The following CHCHD3 variants were observed in gnomAD, a reference collection of about 807,000 sequenced individuals.
The protein encoded by CHCHD3 is coiled-coil-helix-coiled-coil-helix domain containing 3.
A neutral mutation model predicts 38.2 loss-of-function variants in CHCHD3; 20 were observed. The ratio of observed to expected loss-of-function variants is 0.52; its 90% CI spans 0.37 to 0.76. The LOEUF is 0.76. Among genes scored for constraint, CHCHD3 ranks in the 30% least tolerant of loss-of-function variants. The pLI, the probability that CHCHD3 is intolerant of heterozygous loss-of-function variation, is 0.00. For missense variants in CHCHD3, 245 were observed against 279.2 expected, an observed-to-expected ratio of 0.88 and a Z score of 0.87; for synonymous variants, 82 against 100.0, an observed-to-expected ratio of 0.82 and a Z score of 1.07.
chr7:132,991,157 G>A (rs879422832), intron 3 of CHCHD3, among the ~76,000 whole-genome samples: 7 of 151,928 alleles, frequency 4.6e-5, no homozygotes, highest in South Asian at 2.1e-4. Context: ...TTCTTACATT[G>A]AGCTGCTAAT....
intron 5 of CHCHD3, among the ~76,000 whole-genome samples, chr7:132,880,923 C>T (rs900812909): frequency 1.3e-5 from 2 of 152,076 alleles, no homozygotes; most frequent in Admixed American, 6.6e-5. Context: ...ATGAAATCAC[C>T]AACCAGGAAT....
intron 4 of CHCHD3, among the ~76,000 whole-genome samples, chr7:132,969,237 A>G (rs1320750382): frequency 2.0e-5 from 3 of 152,090 alleles, no homozygotes. Flanking sequence ...ACACAAGGCA[A>G]GAATAACCTT....
chr7:133,036,946 A>G (rs1813696832), intron 2 of CHCHD3, among the ~76,000 whole-genome samples: 1 of 152,188 alleles, frequency 6.6e-6, no homozygotes, highest in African/African-American at 2.4e-5. Flanking sequence ...TTATGTAACA[A>G]GAAGAATTTG....
chr7:132,926,796 C>A (rs1272921942), intron 4 of CHCHD3, among the ~76,000 whole-genome samples: 1 of 152,108 alleles, frequency 6.6e-6, no homozygotes, highest in Non-Finnish European at 1.5e-5. Context: ...TAAATAACTA[C>A]TACATTGTAT....
intron 4 of CHCHD3, among the ~76,000 whole-genome samples, chr7:132,942,528 TC>T (rs1346863385): frequency 6.6e-6 from 1 of 152,172 alleles, no homozygotes; most frequent in Non-Finnish European, 1.5e-5. Flanking sequence ...CTCTGAAGAT[TC>T]TAACAGAACC....
At chr7:132,937,217 G>A (rs920570840) in intron 4 of CHCHD3, among the ~76,000 whole-genome samples, 1 of 152,032 alleles carries the variant, frequency 6.6e-6, no homozygotes, top group African/African-American at 2.4e-5. Flanking sequence ...AATATGAGAG[G>A]TTTAAAGAAA....
chr7:132,924,633 G>T (rs944454283), intron 4 of CHCHD3, among the ~76,000 whole-genome samples: 4 of 152,088 alleles, frequency 2.6e-5, no homozygotes, highest in Non-Finnish European at 5.9e-5. Flanking sequence ...AAATTTTCAT[G>T]ATGCCAGAGT....
At chr7:132,920,620 T>C (rs1334551145) in intron 4 of CHCHD3, among the ~76,000 whole-genome samples, 1 of 152,184 alleles carries the variant, frequency 6.6e-6, no homozygotes, top group Non-Finnish European at 1.5e-5. Context: ...AAAATGGTCA[T>C]GAAGGTTCCA....
intron 2 of CHCHD3, among the ~76,000 whole-genome samples, chr7:133,026,626 G>A (rs1411858384): frequency 2.6e-5 from 4 of 152,138 alleles, no homozygotes; most frequent in Non-Finnish European, 5.9e-5. Context: ...CACAACCTAA[G>A]TGCCTAGCAA....
At chr7:132,973,200 TC>T in intron 4 of CHCHD3, 2 of 985,190 alleles carry the variant, frequency 2.0e-6, no homozygotes, top group Non-Finnish European at 2.4e-6. Context: ...AAGATAAGAT[TC>T]AAAAGAGTAA....
chr7:132,881,131 G>A (rs947935731), intron 5 of CHCHD3, among the ~76,000 whole-genome samples: 3 of 152,212 alleles, frequency 2.0e-5, no homozygotes, highest in South Asian at 2.1e-4. Context: ...GTAAAGTGTC[G>A]CTGCTTTTGA....
intron 4 of CHCHD3, among the ~76,000 whole-genome samples, chr7:132,926,032 A>G (rs989017928): frequency 2.6e-5 from 4 of 152,216 alleles, no homozygotes; most frequent in Non-Finnish European, 5.9e-5. Flanking sequence ...GACTATGAGG[A>G]TGAGCCATCT....
chr7:133,070,292 A>G (rs1814782161), intron 1 of CHCHD3, 63 bp from the exon 2 acceptor site: 2 of 1,351,886 alleles, frequency 1.5e-6, no homozygotes, highest in South Asian at 2.4e-5. Flanking sequence ...CCAGTGCAAT[A>G]ACATCCAAGT....
intron 4 of CHCHD3, among the ~76,000 whole-genome samples, chr7:132,909,413 C>T (rs1809885309): frequency 6.6e-6 from 1 of 152,130 alleles, no homozygotes; most frequent in Admixed American, 6.5e-5. Context: ...ATCGCTTGAA[C>T]CCAGGAAGTG....
chr7:132,850,433 C>T (rs1398083633), intron 5 of CHCHD3, among the ~76,000 whole-genome samples: 4 of 134,728 alleles, frequency 3.0e-5, no homozygotes, highest in African/African-American at 1.1e-4. Context: ...TAATTAGAGT[C>T]TCAGGTTTTT....
intron 4 of CHCHD3, among the ~76,000 whole-genome samples, chr7:132,928,345 C>T (rs1810426661): frequency 6.6e-6 from 1 of 152,180 alleles, no homozygotes; most frequent in African/African-American, 2.4e-5. Context: ...AATAGAATTG[C>T]ATCACAAGTG....
At chr7:133,070,261 A>T in intron 1 of CHCHD3, 32 bp from the exon 2 acceptor site, 2 of 1,575,602 alleles carry the variant, frequency 1.3e-6, no homozygotes, top group Non-Finnish European at 1.7e-6. Flanking sequence ...AAAATCAATT[A>T]TAAAACAGCA....
intron 5 of CHCHD3, among the ~76,000 whole-genome samples, chr7:132,843,395 T>C (rs1807992879): frequency 6.6e-6 from 1 of 152,216 alleles, no homozygotes; most frequent in Non-Finnish European, 1.5e-5. Flanking sequence ...ACAGGGTTTC[T>C]AGAACAATGC....
intron 3 of CHCHD3, among the ~76,000 whole-genome samples, chr7:132,997,626 T>C (rs1812454102): frequency 6.8e-6 from 1 of 147,150 alleles, no homozygotes; most frequent in African/African-American, 2.5e-5. Context: ...ATAGGAAGAA[T>C]TTTATGGCTT....
Sources: gnomAD v4.1 joint callset for allele counts (sites outside exome capture counted in the v4.1 genomes callset) on GRCh38, gnomAD v4.1.1 for gene constraint, MANE v1.5 for transcripts, NCBI Gene and HGNC (gene_info 2026-07-23, HGNC 2026-07-21) for gene names.